CFAP20DC: variants seen among roughly 807,000 people sequenced by gnomAD.
CFAP20DC encodes protein CFAP20DC.
A neutral mutation model predicts 101.7 loss-of-function variants in CFAP20DC; 84 were observed. The observed-to-expected ratio is 0.83, with a 90% confidence interval of 0.69 to 0.99. The LOEUF is 0.99. CFAP20DC is among the 50% of genes least tolerant of loss of function. CFAP20DC has a pLI of 0.00. For synonymous variants in CFAP20DC, 359 were observed against 351.2 expected (o/e 1.02, Z -0.25); for missense variants, 1,007 against 970.3 (o/e 1.04, Z -0.50).
intron 15 of CFAP20DC, among the ~76,000 whole-genome samples, chr3:58,782,817 T>C (rs1225633469): frequency 1.3e-5 from 2 of 152,066 alleles, no homozygotes; most frequent in African/African-American, 2.4e-5. Context: ...AGAATTAATA[T>C]TATTAAAATG....
intron 14 of CFAP20DC, among the ~76,000 whole-genome samples, chr3:58,823,941 A>T (rs1284330004): frequency 6.6e-6 from 1 of 152,192 alleles, no homozygotes; most frequent in Non-Finnish European, 1.5e-5. Flanking sequence ...AAAATGTAAT[A>T]GACAGTACTC....
At chr3:58,878,950 G>A (rs1213684980) in intron 7 of CFAP20DC, among the ~76,000 whole-genome samples, 2 of 151,960 alleles carry the variant, frequency 1.3e-5, no homozygotes, top group South Asian at 4.2e-4. Context: ...GGAGCTTGCA[G>A]CGAGCCAAGA....
chr3:58,774,618 T>A (rs922541357), intron 15 of CFAP20DC, among the ~76,000 whole-genome samples: 3 of 152,194 alleles, frequency 2.0e-5, no homozygotes, highest in African/African-American at 7.2e-5. Flanking sequence ...GTGATGGAAT[T>A]CATCAGGAAA....
chr3:58,725,234 T>C (rs1015883993), intron 3 of CFAP20DC, among the ~76,000 whole-genome samples: 10 of 152,324 alleles, frequency 6.6e-5, no homozygotes, highest in East Asian at 1.9e-4. Context: ...AGTCATTAAC[T>C]TCCTCTCAGC....
intron 4 of CFAP20DC, among the ~76,000 whole-genome samples, chr3:58,957,424 A>T (rs183141420): frequency 6.6e-6 from 1 of 152,338 alleles, no homozygotes; most frequent in East Asian, 1.9e-4. Flanking sequence ...TAGTACAGCC[A>T]CTATGGAGAA....
chr3:58,785,272 G>T (rs1040200087), intron 15 of CFAP20DC, among the ~76,000 whole-genome samples: 2 of 152,084 alleles, frequency 1.3e-5, no homozygotes, highest in African/African-American at 4.8e-5. Context: ...GATACCGGAG[G>T]CTGGGAAGGC....
intron 14 of CFAP20DC, among the ~76,000 whole-genome samples, chr3:58,817,018 C>T (rs542708124): frequency 3.3e-5 from 5 of 152,164 alleles, no homozygotes; most frequent in Non-Finnish European, 5.9e-5. Context: ...AGGCACCCCC[C>T]AGCAGCAGCA....
intron 15 of CFAP20DC, among the ~76,000 whole-genome samples, chr3:58,803,031 A>C (rs2073823463): frequency 1.3e-5 from 2 of 152,168 alleles, no homozygotes; most frequent in African/African-American, 2.4e-5. Context: ...TTATTCTGTT[A>C]CATTAATAAA....
At chr3:59,030,783 T>C (rs2093976510) in intron 4 of CFAP20DC, among the ~76,000 whole-genome samples, 2 of 152,200 alleles carry the variant, frequency 1.3e-5, no homozygotes, top group Non-Finnish European at 2.9e-5. Flanking sequence ...ATTCATTGAT[T>C]TCTCAATAAT....
chr3:59,025,571 A>T (rs189520710), intron 4 of CFAP20DC, among the ~76,000 whole-genome samples: 1 of 152,294 alleles, frequency 6.6e-6, no homozygotes, highest in East Asian at 1.9e-4. Flanking sequence ...TAACTACCCA[A>T]AAAACACATA....
chr3:58,875,801 T>C (rs1412548754), intron 7 of CFAP20DC, among the ~76,000 whole-genome samples: 1 of 93,382 alleles, frequency 1.1e-5, no homozygotes, highest in East Asian at 2.3e-4. Context: ...GGGAGTATTT[T>C]AGAAATCATA....
downstream of CFAP20DC, among the ~76,000 whole-genome samples, chr3:58,740,761 ACTCT>A (rs527608842): frequency 1.2e-4 from 18 of 151,738 alleles, no homozygotes; most frequent in East Asian, 3.5e-3. This position sits in a 1 kb window ranked among gnomAD's most constrained non-coding sequence, Gnocchi z 4.6. Flanking sequence ...ATTTTAATTG[ACTCT>A]CTTATTTATG....
rs1002136921 is a variant in CFAP20DC at position 58,799,108 on chromosome 3, GT to G, written c.2237+7286del. Among the ~76,000 whole-genome samples, 119 of 149,096 alleles carry G rather than the reference GT, an allele frequency of 8.0e-4. No individual in the cohort carries two copies. Among genetic ancestry groups the G allele is most frequent in the African/African-American group, 2.3e-3 (92 of 40,704 alleles). ...TGTATGTGTATGCATATAAATAATG[GT>G]TTTTTTTTTCTATTTGCTTACCCAG... On this transcript the variant is annotated intron_variant, in intron 15 of 16. Coordinates refer to ENST00000482387, the MANE Select transcript of CFAP20DC (RefSeq NM_001394063.1). The surrounding 1 kb of genome is among the most constrained non-coding windows in gnomAD (Gnocchi z 4.9).
intron 4 of CFAP20DC, among the ~76,000 whole-genome samples, chr3:59,038,162 A>G (rs529912223): frequency 1.3e-5 from 2 of 152,234 alleles, no homozygotes; most frequent in African/African-American, 4.8e-5. Context: ...GCATTAGGAG[A>G]AATGCCAATA....
At chr3:58,811,061 A>T (rs2074584572) in intron 14 of CFAP20DC, among the ~76,000 whole-genome samples, 1 of 152,212 alleles carries the variant, frequency 6.6e-6, no homozygotes, top group Non-Finnish European at 1.5e-5. Flanking sequence ...AAGAGGACAC[A>T]AACAAATGGA....
intron 14 of CFAP20DC, among the ~76,000 whole-genome samples, chr3:58,819,133 T>A (rs2075420233): frequency 6.9e-6 from 1 of 144,364 alleles, no homozygotes; most frequent in Non-Finnish European, 1.5e-5. Context: ...CTGGGACGCA[T>A]TCAAAGCAAT....
At chr3:58,889,549 T>TC (rs2081974891) in intron 6 of CFAP20DC, among the ~76,000 whole-genome samples, 1 of 152,042 alleles carries the variant, frequency 6.6e-6, no homozygotes, top group Admixed American at 6.5e-5. Context: ...TTTCTTTTTT[T>TC]CTTTTTTTAA....
intron 15 of CFAP20DC, among the ~76,000 whole-genome samples, chr3:58,801,623 G>A (rs2073710570): frequency 1.3e-5 from 2 of 151,172 alleles, no homozygotes; most frequent in Admixed American, 6.6e-5. Context: ...CAACTGGAGA[G>A]GAAAAAAAAA....
chr3:59,029,737 GAGA>G (rs1000555377), intron 4 of CFAP20DC, among the ~76,000 whole-genome samples: 2 of 152,130 alleles, frequency 1.3e-5, no homozygotes, highest in Non-Finnish European at 2.9e-5. Flanking sequence ...AAGAGGACAA[GAGA>G]AGAAGCTGGA....
Sources: gnomAD v4.1 joint callset for allele counts (sites outside exome capture counted in the v4.1 genomes callset) on GRCh38, gnomAD v4.1.1 for gene constraint, Gnocchi (gnomAD v3.1) non-coding constraint, MANE v1.5 for transcripts, NCBI Gene and HGNC (gene_info 2026-07-23, HGNC 2026-07-21) for gene names.